Variants in AGMO observed in about 807,000 individuals in gnomAD.
AGMO encodes the protein glyceryl-ether monooxygenase.
AGMO carries 75 observed loss-of-function variants against 60.2 expected under a neutral mutation model. The ratio of observed to expected loss-of-function variants is 1.25; its 90% CI spans 1.03 to 1.51. The LOEUF (loss-of-function observed/expected upper bound fraction) is 1.51, where lower values mean the gene tolerates loss of function less well. Ranked by LOEUF, AGMO falls within the 40% of genes most tolerant of loss-of-function variation. AGMO has a pLI of 0.00. For synonymous variants in AGMO, 261 were observed against 177.1 expected, an observed-to-expected ratio of 1.47 and a Z score of -3.76; for missense variants, 763 against 525.5, an observed-to-expected ratio of 1.45 and a Z score of -4.42.
intron 3 of AGMO, among the ~76,000 whole-genome samples, chr7:15,481,087 A>C (rs985887967): frequency 6.6e-6 from 1 of 151,038 alleles, no homozygotes. Context: ...ATGTCAACAT[A>C]TCACCACAGA....
the AGMO span, among the ~76,000 whole-genome samples, chr7:15,163,087 G>A: frequency 6.6e-6 from 1 of 152,070 alleles, no homozygotes; most frequent in Non-Finnish European, 1.5e-5. Flanking sequence ...GGGGCTTATT[G>A]TAATTGAAAT....
chr7:15,405,680 T>A (rs891934284), intron 5 of AGMO, among the ~76,000 whole-genome samples: 7 of 151,950 alleles, frequency 4.6e-5, no homozygotes, highest in Non-Finnish European at 8.8e-5. Context: ...GTTATTTCAT[T>A]AATCCACGTA....
chr7:15,250,400 T>C (rs967475379), intron 12 of AGMO, among the ~76,000 whole-genome samples: 1 of 152,150 alleles, frequency 6.6e-6, no homozygotes, highest in Admixed American at 6.5e-5. Context: ...ATTACTAAGA[T>C]GAATAATCTG....
intron 3 of AGMO, among the ~76,000 whole-genome samples, chr7:15,544,557 A>C (rs1247838296): frequency 6.6e-6 from 1 of 152,142 alleles, no homozygotes; most frequent in African/African-American, 2.4e-5. Context: ...AAGCGAAAAA[A>C]ATGTACTTCC....
rs911026226 is a variant in AGMO at position 15,243,304 on chromosome 7, C to T, written c.1264-41945G>A. On this transcript the variant is annotated intron_variant, in intron 12 of 12. Transcript: ENST00000342526. ...TCTTCTAAGCAGCTACAGCATTATT[C>T]TCTAGACTATTCTGTATCTGTAGAC... Among the ~76,000 whole-genome samples the T allele has an allele frequency of 5.9e-5, 9 of 152,024 alleles. 1 individual carries two copies. Among genetic ancestry groups the T allele is most frequent in the Admixed American group, 4.6e-4 (7 of 15,266 alleles).
At chr7:15,329,934 G>A (rs1781451169) in intron 12 of AGMO, among the ~76,000 whole-genome samples, 1 of 152,162 alleles carries the variant, frequency 6.6e-6, no homozygotes, top group Admixed American at 6.6e-5. Flanking sequence ...CTTTAGGTCA[G>A]AGGACTGAAA....
At chr7:15,254,195 G>A (rs192119642) in intron 12 of AGMO, among the ~76,000 whole-genome samples, 39 of 152,004 alleles carry the variant, frequency 2.6e-4, no homozygotes, top group Non-Finnish European at 5.0e-4. Flanking sequence ...TACAATTTTC[G>A]TGAGAGTGCA....
intron 12 of AGMO, among the ~76,000 whole-genome samples, chr7:15,247,189 C>T (rs1782766322): frequency 6.6e-6 from 1 of 151,714 alleles, no homozygotes; most frequent in African/African-American, 2.4e-5. Flanking sequence ...AAATGTCCAA[C>T]AGTAGAGAAA....
At chr7:15,342,271 G>A (rs760541618) in intron 12 of AGMO, among the ~76,000 whole-genome samples, 2 of 150,718 alleles carry the variant, frequency 1.3e-5, no homozygotes, top group Admixed American at 6.6e-5. Flanking sequence ...GAAAGCCATG[G>A]TCAGCAAGGG....
At chr7:15,386,544 A>C (rs745579941) in intron 9 of AGMO, among the ~76,000 whole-genome samples, 8 of 152,230 alleles carry the variant, frequency 5.3e-5, no homozygotes, top group Non-Finnish European at 7.3e-5. Context: ...TGTGAACATA[A>C]ACGGAAGTGG....
chr7:15,195,874 G>C (rs766561194), downstream of AGMO, among the ~76,000 whole-genome samples: 3 of 152,008 alleles, frequency 2.0e-5, no homozygotes, highest in Non-Finnish European at 4.4e-5. Context: ...TGAAAAATCA[G>C]ACAAATGCAA....
rs1278779091 is a variant in AGMO, at chr7:15,431,023, G to A, written c.495C>T (p.Leu165=). 1 of 1,603,098 alleles carries A rather than the reference G, an allele frequency of 6.2e-7. No individual in the cohort carries two copies. The highest frequency in any genetic ancestry group is 1.7e-4 in the Middle Eastern group (1 of 6,022). The part of the protein sequence containing the change: ...NLSTALRQSV[L]QIYTSWIFYS... Reference sequence around the variant, plus strand: ...AACTTACCCAGGAAGTATATATCTGGAGGACAGACTGTCTCAGTGCTGTGG... The same window carrying A: ...AACTTACCCAGGAAGTATATATCTGAAGGACAGACTGTCTCAGTGCTGTGG... The change falls in exon 4 of 13, where the codon CTC becomes CTT. Residue 165 remains leucine (L), a synonymous_variant. Coordinates refer to ENST00000342526, the MANE Select transcript of AGMO (RefSeq NM_001004320.2).
intron 12 of AGMO, among the ~76,000 whole-genome samples, chr7:15,321,302 G>C: frequency 6.6e-6 from 1 of 152,078 alleles, no homozygotes; most frequent in East Asian, 1.9e-4. Flanking sequence ...CCAAACGGAT[G>C]TTCTACATTA....
rs1391194786 is a variant in AGMO at position 15,474,849 on chromosome 7, A to AT, written c.410-43742dup. ...GTACAAAGAACTTAGACAAATTTAC[A>AT]TAAAAAAAACAACCCCATCAACAAG... On this transcript the variant is annotated intron_variant, in intron 3 of 12. Coordinates refer to ENST00000342526, the MANE Select transcript of AGMO (RefSeq NM_001004320.2). 4.8e-5 allele frequency among the ~76,000 whole-genome samples: 7 copies of AT among 147,004 alleles called. No individual in the cohort carries two copies. In the South Asian group the frequency reaches 8.4e-4, roughly 18 times the overall value.
intron 2 of AGMO, among the ~76,000 whole-genome samples, chr7:15,547,565 T>C (rs1057048267): frequency 2.0e-5 from 3 of 152,106 alleles, no homozygotes; most frequent in African/African-American, 2.4e-5. Context: ...CAGACGCACC[T>C]GGAAAATCGG....
intron 4 of AGMO, among the ~76,000 whole-genome samples, chr7:15,429,565 G>GT (rs1170626509): frequency 1.3e-5 from 2 of 151,866 alleles, no homozygotes; most frequent in Non-Finnish European, 2.9e-5. Context: ...ATAAATTTCT[G>GT]TTTTTTTAAG....
rs1784629055 is a variant in AGMO, at chr7:15,541,423, T to C, written c.409+3349A>G. On this transcript the variant is annotated intron_variant, in intron 3 of 12. Transcript: ENST00000342526. ...GCATGAGCCACTGTGTCCAGCCTAA[T>C]GCATTATTTTTATGTGGAGGAAAAG... Among the ~76,000 whole-genome samples the C allele has an allele frequency of 2.0e-5, 3 of 152,324 alleles. No homozygotes were observed. The South Asian group carries it at 6.2e-4, about 32-fold the overall frequency.
chr7:15,327,353 T>C (rs560870048), intron 12 of AGMO, among the ~76,000 whole-genome samples: 45 of 152,270 alleles, frequency 3.0e-4, no homozygotes, highest in African/African-American at 9.6e-4. Context: ...TCTTGGGATA[T>C]GGCAAATTAA....
chr7:15,259,997 C>T (rs1173409848), intron 12 of AGMO, among the ~76,000 whole-genome samples: 2 of 139,050 alleles, frequency 1.4e-5, no homozygotes, highest in Admixed American at 7.4e-5. Flanking sequence ...ATAAATCTCA[C>T]AGGACCTATA....
Sources: gnomAD v4.1 joint callset for allele counts (sites outside exome capture counted in the v4.1 genomes callset) on GRCh38, gnomAD v4.1.1 for gene constraint, MANE v1.5 for transcripts, NCBI Gene and HGNC (gene_info 2026-07-23, HGNC 2026-07-21) for gene names.